CRAT: variants seen among roughly 807,000 people sequenced by gnomAD.
CRAT encodes the protein carnitine acetylase.
Under a neutral mutation model 73.7 loss-of-function variants are expected in CRAT, and 66 were observed. The ratio of observed to expected loss-of-function variants is 0.90; its 90% CI spans 0.73 to 1.10. The LOEUF (loss-of-function observed/expected upper bound fraction) is 1.10, where lower values mean the gene tolerates loss of function less well. CRAT is among the 50% of genes least tolerant of loss of function. The pLI is 0.00. For synonymous variants in CRAT, 321 were observed against 343.2 expected (o/e 0.94, Z 0.71); for missense variants, 745 against 846.9 (o/e 0.88, Z 1.49).
chr9:129,098,317 G>T lies in CRAT; in HGVS notation c.1260C>A (p.Asp420Glu), dbSNP rs201109466. ...GGCTTAGCTTCTCCGACTTGGGGAA[G>T]TCTTTTCCAAAATGGTGGAACACCA... The part of the protein sequence containing the change: ...TVMVFHHFGK[D>E]FPKSEKLSPD... The change falls in exon 10 of 14, where the codon GAC becomes GAA. Residue 420 changes from aspartate to glutamate, a missense_variant. Coordinates refer to ENST00000318080, the MANE Select transcript of CRAT (RefSeq NM_000755.5). 4.1e-5 allele frequency: 66 copies of T among 1,614,038 alleles called. No individual in the cohort carries two copies. The highest frequency in any genetic ancestry group is 5.5e-5 in the Non-Finnish European group (65 of 1,180,050).
rs535379081 is a variant in CRAT, at chr9:129,098,664, G to T, written c.1086-14C>A. ...TCGGGTTTCTTCCTGCACAGTAAACGGGGCCTCAGGCTCATGCTGGTGCCT... is the reference window on the plus strand; with the variant it reads ...TCGGGTTTCTTCCTGCACAGTAAACTGGGCCTCAGGCTCATGCTGGTGCCT... On this transcript the variant is annotated splice_polypyrimidine_tract_variant and intron_variant, in intron 8 of 13. Coordinates refer to ENST00000318080, the MANE Select transcript of CRAT (RefSeq NM_000755.5). 1 of 1,597,512 alleles carries T rather than the reference G, an allele frequency of 6.3e-7. No individual in the cohort carries two copies. Among genetic ancestry groups the T allele is most frequent in the Non-Finnish European group, 8.5e-7 (1 of 1,175,668 alleles).
At position 129,110,351 on chromosome 9, in the gene CRAT, G is replaced by T; in HGVS notation, c.27+132C>A. 2.1e-6 allele frequency: 2 copies of T among 957,310 alleles called. No homozygotes were observed. The highest frequency in any genetic ancestry group is 2.9e-6 in the Non-Finnish European group (2 of 685,186). The allele number at this position is 957,310 out of a possible 1,614,324, so 59.3% of individuals were successfully genotyped here. A position where few individuals can be genotyped will look rare whatever the true frequency, so the allele number is the denominator to read the frequency against. On this transcript the variant is annotated intron_variant, in intron 1 of 13. Coordinates refer to ENST00000318080, the MANE Select transcript of CRAT (RefSeq NM_000755.5). This position sits in a 1 kb window ranked among gnomAD's most constrained non-coding sequence, Gnocchi z 5.3. ...CTGCTCTGCCAAACCTGGGACGCCC[G>T]CCTGACCCCACCCCATCAGCTGGAG...
At chr9:129,104,106 G>T in intron 3 of CRAT, 82 bp downstream of exon 3, 1 of 943,382 alleles carries the variant, frequency 1.1e-6, no homozygotes, top group Non-Finnish European at 1.6e-6. Flanking sequence ...AGATAAACAG[G>T]GTCGGGGCCC....
chr9:129,107,441 T>TAC lies in CRAT; in HGVS notation c.291+371_291+372dup. 1 of 596,022 alleles carries TAC rather than the reference T, an allele frequency of 1.7e-6. No homozygotes were observed. 36.9% of individuals were successfully genotyped at this position (596,022 alleles called of 1,614,324 possible). On this transcript the variant is annotated intron_variant, in intron 2 of 13. Coordinates refer to ENST00000318080, the MANE Select transcript of CRAT (RefSeq NM_000755.5). The surrounding 1 kb of genome is among the most constrained non-coding windows in gnomAD (Gnocchi z 5.0). ...GGGTACACCTGTGTCATAGATCAGATACAGAACCTGGGCGATCGGTCACTG... is the reference window on the plus strand; with the variant it reads ...GGGTACACCTGTGTCATAGATCAGATACACAGAACCTGGGCGATCGGTCACTG...
Position 129,094,990 on chromosome 9 carries a change from T to G in CRAT, c.*407A>C. 9.8e-6 allele frequency: 2 copies of G among 203,728 alleles called. No individual in the cohort carries two copies. The highest frequency in any genetic ancestry group is 5.4e-5 in the Admixed American group (1 of 18,430). 12.6% of individuals were successfully genotyped at this position (203,728 alleles called of 1,614,324 possible). On this transcript the variant is annotated 3_prime_UTR_variant, in exon 14 of 14. Transcript: ENST00000318080. ...CAATCCTGTCTCCAGGTCCTGGGAG[T>G]TTGGGAAGCAGGGTACAGATGGTGG...
rs1361313551 is a variant in CRAT at position 129,106,690 on chromosome 9, C to G, written c.291+1124G>C. Among the ~76,000 whole-genome samples, 1 of 152,194 alleles carries G rather than the reference C, an allele frequency of 6.6e-6. No homozygotes were observed. Among genetic ancestry groups the G allele is most frequent in the Non-Finnish European group, 1.5e-5 (1 of 68,040 alleles). ...CGTCTCAGCAAATGTTGACAACTCC[C>G]ACCTCCTGTGTGCAGCCCCACAGCC... On this transcript the variant is annotated intron_variant, in intron 2 of 13. Coordinates refer to ENST00000318080, the MANE Select transcript of CRAT (RefSeq NM_000755.5). The surrounding 1 kb of genome is among the most constrained non-coding windows in gnomAD (Gnocchi z 4.0).
intron 6 of CRAT, 96 bp downstream of exon 6, chr9:129,101,787 A>C (rs1415691514): frequency 7.1e-7 from 1 of 1,407,394 alleles, no homozygotes; most frequent in South Asian, 1.4e-5. Context: ...CTTTGTTGCC[A>C]GCAGACTTCG....
Position 129,107,700 on chromosome 9 carries a change from T to C in CRAT, c.291+114A>G. ...ACCCTGCCAAGTGCCAGACACAGAGTATGTGCTCACGAAACTCTGGGCAGC... is the reference window on the plus strand; with the variant it reads ...ACCCTGCCAAGTGCCAGACACAGAGCATGTGCTCACGAAACTCTGGGCAGC... On this transcript the variant is annotated intron_variant, in intron 2 of 13. Transcript: ENST00000318080. This position sits in a 1 kb window ranked among gnomAD's most constrained non-coding sequence, Gnocchi z 5.0. 6.8e-7 allele frequency: 1 copy of C among 1,463,538 alleles called. No individual in the cohort carries two copies. The highest frequency in any genetic ancestry group is 1.2e-5 in the South Asian group (1 of 84,916). 90.7% of individuals were successfully genotyped at this position (1,463,538 alleles called of 1,614,324 possible). A position where few individuals can be genotyped will look rare whatever the true frequency, so the allele number is the denominator to read the frequency against.
At chr9:129,099,992 T>C (rs1213129660) in intron 7 of CRAT, 26 bp from the exon 8 acceptor site, 1 of 1,607,262 alleles carries the variant, frequency 6.2e-7, no homozygotes, top group Admixed American at 1.7e-5. Flanking sequence ...GAGACCCCGG[T>C]CAGCCCCAGG....
At chr9:129,097,347 T>A in intron 11 of CRAT, 35 bp from the exon 12 acceptor site, 4 of 1,529,566 alleles carry the variant, frequency 2.6e-6, no homozygotes, top group Non-Finnish European at 3.5e-6. Flanking sequence ...GCTGAAGCAC[T>A]GTCCCTTCTC....
rs767404137 is a variant in CRAT at position 129,099,865 on chromosome 9, C to T, written c.1085+1G>A. Reference sequence around the variant, plus strand: ...TAGGCGAGAGATGTGACTGTACTCACGTGTACTCGATGACATAGTCCAGAA... The same window carrying T: ...TAGGCGAGAGATGTGACTGTACTCATGTGTACTCGATGACATAGTCCAGAA... On this transcript the variant is annotated splice_donor_variant, in intron 8 of 13. Coordinates refer to ENST00000318080, the MANE Select transcript of CRAT (RefSeq NM_000755.5). LOFTEE classifies it high-confidence loss of function. The T allele has an allele frequency of 1.4e-5, 23 of 1,611,118 alleles. No individual in the cohort carries two copies. In the South Asian group the frequency reaches 1.7e-4, roughly 12 times the overall value.
rs1439536711 is a variant in CRAT at position 129,098,105 on chromosome 9, G to A, written c.1372C>T (p.Arg458Cys). 15 of 1,613,996 alleles carry A rather than the reference G, an allele frequency of 9.3e-6. No individual in the cohort carries two copies. Among genetic ancestry groups the A allele is most frequent in the Admixed American group, 3.3e-5 (2 of 60,022 alleles). The change falls in exon 11 of 14, where the codon CGC becomes TGC. Residue 458 changes from arginine to cysteine, a missense_variant. Physicochemically the swap from Arg to Cys is radical, Grantham distance 180 (BLOSUM62 -3). Coordinates refer to ENST00000318080, the MANE Select transcript of CRAT (RefSeq NM_000755.5). ...ACATYESASL[R>C]MFHLGRTDTI... ...TCGGTGCGGCCCAGGTGAAACATGC[G>A]CAGGGAGGCACTTTCATAGGTGGCA...
intron 8 of CRAT, 33 bp from the exon 9 acceptor site, chr9:129,098,683 G>A: frequency 6.3e-7 from 1 of 1,586,040 alleles, no homozygotes; most frequent in Non-Finnish European, 8.5e-7. Flanking sequence ...GGCTCATGCT[G>A]GTGCCTCTAG....
At position 129,099,940 on chromosome 9, in the gene CRAT, A is replaced by G; in HGVS notation, c.1011T>C (p.Cys337=). The change falls in exon 8 of 14, where the codon TGT becomes TGC. Residue 337 remains cysteine, a synonymous_variant. Transcript: ENST00000318080. The stretch of plus-strand genomic sequence containing the variant: ...CTGCAGCATGCTCGTACACAAGCCC[A>G]CAGGAGCCATCTTCTGCCACGATGA... The part of the protein sequence containing the change: ...LQFIVAEDGS[C]GLVYEHAAAE... 1 of 1,613,570 alleles carries G rather than the reference A, an allele frequency of 6.2e-7. No individual in the cohort carries two copies. The highest frequency in any genetic ancestry group is 8.5e-7 in the Non-Finnish European group (1 of 1,179,942).
intron 8 of CRAT, among the ~76,000 whole-genome samples, 164 bp from the exon 9 acceptor site, chr9:129,098,814 TTC>T (rs1472644358): frequency 5.2e-4 from 22 of 42,548 alleles, no homozygotes; most frequent in African/African-American, 2.4e-3. Context: ...TTTTTCTTTT[TTC>T]TTTTTTTTTT....
rs1382323618 is a variant in CRAT, at chr9:129,103,266, C to A, written c.411-200G>T. On this transcript the variant is annotated intron_variant, in intron 3 of 13. Transcript: ENST00000318080. This position sits in a 1 kb window ranked among gnomAD's most constrained non-coding sequence, Gnocchi z 4.6. Reference sequence around the variant, plus strand: ...GCTTCTTCATAACCTCTAGAGGGAGCATGGTCGGGAGGGCTCGGGGAAGTG... The same window carrying A: ...GCTTCTTCATAACCTCTAGAGGGAGAATGGTCGGGAGGGCTCGGGGAAGTG... Among the ~76,000 whole-genome samples, 2 of 152,128 alleles carry A rather than the reference C, an allele frequency of 1.3e-5. No individual in the cohort carries two copies. The highest frequency in any genetic ancestry group is 2.9e-5 in the Non-Finnish European group (2 of 68,008).
intron 5 of CRAT, 68 bp from the exon 6 acceptor site, chr9:129,102,125 C>G (rs1847712071): frequency 6.6e-7 from 1 of 1,515,598 alleles, no homozygotes; most frequent in Non-Finnish European, 9.0e-7. Context: ...CAGCCACCTC[C>G]CCACACCTGC....
At chr9:129,109,288 G>T in intron 1 of CRAT, 1 of 1,304,008 alleles carries the variant, frequency 7.7e-7, no homozygotes, top group Non-Finnish European at 1.0e-6. Flanking sequence ...CTGAAATTAG[G>T]GTTGGTGCAA....
rs551098202 is a variant in CRAT, at chr9:129,102,596, C to T, written c.465-31G>A. Reference sequence around the variant, plus strand: ...GGGTAGAGGGGCAGTGAGGCCACCACTGGGCAAGTGAATGGGGAGGAGGGC... The same window carrying T: ...GGGTAGAGGGGCAGTGAGGCCACCATTGGGCAAGTGAATGGGGAGGAGGGC... On this transcript the variant is annotated intron_variant, in intron 4 of 13. Coordinates refer to ENST00000318080, the MANE Select transcript of CRAT (RefSeq NM_000755.5). 7 of 1,611,034 alleles carry T rather than the reference C, an allele frequency of 4.3e-6. No homozygotes were observed. In the African/African-American group the frequency reaches 5.3e-5, roughly 12 times the overall value.
Sources: gnomAD v4.1 joint callset for allele counts (sites outside exome capture counted in the v4.1 genomes callset) on GRCh38, gnomAD v4.1.1 for gene constraint, Gnocchi (gnomAD v3.1) non-coding constraint, MANE v1.5 for transcripts, NCBI Gene and HGNC (gene_info 2026-07-23, HGNC 2026-07-21) for gene names.